Variants in SMIM19 observed in about 807,000 individuals in gnomAD.
SMIM19 encodes UPF0697 protein C8orf40.
SMIM19 carries 6 observed loss-of-function variants against 13.2 expected under a neutral mutation model. That is an observed-to-expected ratio of 0.45 (90% confidence interval 0.25 to 0.90). SMIM19 has a LOEUF of 0.90. SMIM19 is among the 40% of genes least tolerant of loss of function. The probability of loss-of-function intolerance (pLI) is 0.19; values close to 1 mark genes in which losing one functional copy is unlikely to be tolerated. For missense variants in SMIM19, 138 were observed against 131.0 expected (o/e 1.05, Z -0.26); for synonymous variants, 46 against 43.1 (o/e 1.07, Z -0.27).
Position 42,552,696 on chromosome 8 carries a change from C to A in SMIM19, c.*88C>A. 1.4e-6 allele frequency: 2 copies of A among 1,426,444 alleles called. No individual in the cohort carries two copies. Among genetic ancestry groups the A allele is most frequent in the Non-Finnish European group, 1.9e-6 (2 of 1,025,738 alleles). The allele number at this position is 1,426,444 out of a possible 1,614,324, so 88.4% of individuals were successfully genotyped here. ...TGAACAGCTTTAAAAACATTTCTGT[C>A]TGCATAAAATTATTTTACTTGTAAC... On this transcript the variant is annotated 3_prime_UTR_variant, in exon 4 of 4. Coordinates refer to ENST00000417410, the MANE Select transcript of SMIM19 (RefSeq NM_001135674.2).
intron 3 of SMIM19, among the ~76,000 whole-genome samples, chr8:42,550,096 TA>T (rs1390175579): frequency 2.0e-5 from 3 of 151,364 alleles, no homozygotes; most frequent in African/African-American, 4.9e-5. Context: ...AACTTCGTCT[TA>T]AAAAAAATAA....
At chr8:42,549,347 G>T (rs1813591630) in intron 3 of SMIM19, among the ~76,000 whole-genome samples, 1 of 152,072 alleles carries the variant, frequency 6.6e-6, no homozygotes, top group Non-Finnish European at 1.5e-5. Flanking sequence ...GGGAGGCAGA[G>T]GTTTCAGTGG....
intron 1 of SMIM19, among the ~76,000 whole-genome samples, chr8:42,546,008 G>A (rs1054447658): frequency 1.8e-4 from 28 of 152,208 alleles, no homozygotes; most frequent in Admixed American, 1.6e-3. Context: ...TATTGTGTAG[G>A]TGCAGTCCTT....
chr8:42,548,621 TAC>T, intron 2 of SMIM19, 33 bp from the exon 3 acceptor site: 1 of 1,611,762 alleles, frequency 6.2e-7, no homozygotes, highest in South Asian at 1.1e-5. Context: ...TAGACATTAA[TAC>T]AAACATCTCT....
At position 42,541,660 on chromosome 8, in the gene SMIM19, C is replaced by G. The variant is rs1813183369; in HGVS notation, c.-718C>G. On this transcript the variant is annotated 5_prime_UTR_variant, in exon 1 of 4. Coordinates refer to ENST00000417410, the MANE Select transcript of SMIM19 (RefSeq NM_001135674.2). Reference sequence around the variant, plus strand: ...GCCCCGACTCCGGGGTAAAGAGCCCCGGAGCGGAGCAGCGCTGGCCGCGTG... The same window carrying G: ...GCCCCGACTCCGGGGTAAAGAGCCCGGGAGCGGAGCAGCGCTGGCCGCGTG... The G allele has an allele frequency of 6.7e-6, 1 of 149,810 alleles. No individual in the cohort carries two copies. Among genetic ancestry groups the G allele is most frequent in the Non-Finnish European group, 1.5e-5 (1 of 67,192 alleles). The allele number at this position is 149,810 out of a possible 1,614,324, so 9.3% of individuals were successfully genotyped here. A position where few individuals can be genotyped will look rare whatever the true frequency, so the allele number is the denominator to read the frequency against.
chr8:42,546,638 CTG>C lies in SMIM19; in HGVS notation c.134+35_134+36del, dbSNP rs749060310. The C allele has an allele frequency of 5.0e-6, 8 of 1,588,878 alleles. No homozygotes were observed. In the Admixed American group the frequency reaches 5.7e-5, roughly 11 times the overall value. On this transcript the variant is annotated intron_variant, in intron 2 of 3. Transcript: ENST00000417410. ...TTTTGTTTCTCAGGGTAGATAAAAACTGTGCATTTACAAGTTTTGCTAGTTTA... is the reference window on the plus strand; with the variant it reads ...TTTTGTTTCTCAGGGTAGATAAAAACTGCATTTACAAGTTTTGCTAGTTTA...
chr8:42,548,293 C>G, intron 2 of SMIM19: 1 of 434,270 alleles, frequency 2.3e-6, no homozygotes. Context: ...AGTTTATTCT[C>G]CAGCCCAGTC....
chr8:42,548,525 C>A, intron 2 of SMIM19, 131 bp from the exon 3 acceptor site: 1 of 1,230,636 alleles, frequency 8.1e-7, no homozygotes, highest in Admixed American at 1.8e-5. Flanking sequence ...CTCTCAAAGA[C>A]AAAATAGAAA....
intron 1 of SMIM19, 67 bp downstream of exon 1, chr8:42,542,440 C>A: frequency 1.0e-6 from 1 of 985,346 alleles, no homozygotes; most frequent in Non-Finnish European, 1.2e-6. Context: ...AAAGAAATCC[C>A]ATTTTTTGAT....
intron 1 of SMIM19, among the ~76,000 whole-genome samples, chr8:42,544,019 C>T (rs1490910317): frequency 6.6e-6 from 1 of 152,088 alleles, no homozygotes; most frequent in East Asian, 1.9e-4. Context: ...CAAAAGTTTC[C>T]ATGTCTAAAG....
At chr8:42,549,909 A>G (rs1814807384) in intron 3 of SMIM19, among the ~76,000 whole-genome samples, 1 of 152,070 alleles carries the variant, frequency 6.6e-6, no homozygotes, top group Non-Finnish European at 1.5e-5. Context: ...CCAGCCTGCC[A>G]ACATGGTGAA....
intron 3 of SMIM19, among the ~76,000 whole-genome samples, chr8:42,549,965 G>C (rs1813614363): frequency 1.3e-5 from 2 of 152,066 alleles, no homozygotes; most frequent in Non-Finnish European, 1.5e-5. Flanking sequence ...GTGTGGTGGT[G>C]GGTGCCTGTA....
In SMIM19 at chr8:42,542,159, TG is replaced by T. The variant is rs1221076354; in HGVS notation, c.-216del. 2.0e-5 allele frequency: 3 copies of T among 151,890 alleles called. No homozygotes were observed. Among genetic ancestry groups the T allele is most frequent in the African/African-American group, 7.3e-5 (3 of 41,324 alleles). The allele number at this position is 151,890 out of a possible 1,614,324, so 9.4% of individuals were successfully genotyped here. A position where few individuals can be genotyped will look rare whatever the true frequency, so the allele number is the denominator to read the frequency against. ...GGCCAAGACTGGAAGAGTTCAGGTTTGGGAGTCGTGTGTATAACAGCCCCGC... is the reference window on the plus strand; with the variant it reads ...GGCCAAGACTGGAAGAGTTCAGGTTTGGAGTCGTGTGTATAACAGCCCCGC... On this transcript the variant is annotated 5_prime_UTR_variant, in exon 1 of 4. Transcript: ENST00000417410.
chr8:42,547,356 CAAAA>C (rs35948113), intron 2 of SMIM19, among the ~76,000 whole-genome samples: 1 of 144,556 alleles, frequency 6.9e-6, no homozygotes, highest in Non-Finnish European at 1.5e-5. Flanking sequence ...GACTCCATCT[CAAAA>C]AAAAAAAAGA....
intron 1 of SMIM19, among the ~76,000 whole-genome samples, chr8:42,544,525 A>AT (rs61480099): frequency 0.54 from 81,905 of 151,600 alleles, 22,529 homozygotes; most frequent in Middle Eastern, 0.64. Context: ...GTGTTTAAAC[A>AT]ATATTTAGAT....
Position 42,541,773 on chromosome 8 carries a change from G to GCCGCCCGCC in SMIM19, c.-598_-590dup, listed in dbSNP as rs1221932391. ...GCCGCGTCACCCGGCCCCGCCCCGC[G>GCCGCCCGCC]CCGCCCGCCCCGCCCCGGACGCGGG... On this transcript the variant is annotated 5_prime_UTR_variant, in exon 1 of 4. Transcript: ENST00000417410. 3 of 149,798 alleles carry GCCGCCCGCC rather than the reference G, an allele frequency of 2.0e-5. No homozygotes were observed. The highest frequency in any genetic ancestry group is 7.3e-5 in the African/African-American group (3 of 41,044). The allele number at this position is 149,798 out of a possible 1,614,324, so 9.3% of individuals were successfully genotyped here.
intron 1 of SMIM19, among the ~76,000 whole-genome samples, chr8:42,544,432 T>C (rs1345038085): frequency 1.4e-5 from 2 of 140,056 alleles, no homozygotes; most frequent in African/African-American, 5.3e-5. Flanking sequence ...AAAAAAAAAA[T>C]GCCAAATGCC....
At chr8:42,546,336 C>T in intron 1 of SMIM19, 133 bp from the exon 2 acceptor site, 1 of 1,011,620 alleles carries the variant, frequency 9.9e-7, no homozygotes, top group Non-Finnish European at 1.3e-6. Context: ...AAATCCCATT[C>T]TTGGCTCATG....
At position 42,553,040 on chromosome 8, in the gene SMIM19, T is replaced by TTGTTAACA. The variant is rs1401045687; in HGVS notation, c.*433_*440dup. 6.6e-6 allele frequency: 1 copy of TTGTTAACA among 151,284 alleles called. No homozygotes were observed. Among genetic ancestry groups the TTGTTAACA allele is most frequent in the East Asian group, 1.9e-4 (1 of 5,198 alleles). The allele number at this position is 151,284 out of a possible 1,614,324, so 9.4% of individuals were successfully genotyped here. ...GTCAGATCAATAACAGATTAATTTGTTGTTAACAGCTCTTTTTTTTTTTTT... is the reference window on the plus strand; with the variant it reads ...GTCAGATCAATAACAGATTAATTTGTTGTTAACATGTTAACAGCTCTTTTTTTTTTTTT... On this transcript the variant is annotated 3_prime_UTR_variant, in exon 4 of 4. Transcript: ENST00000417410.
Sources: gnomAD v4.1 joint callset for allele counts (sites outside exome capture counted in the v4.1 genomes callset) on GRCh38, gnomAD v4.1.1 for gene constraint, MANE v1.5 for transcripts, NCBI Gene and HGNC (gene_info 2026-07-23, HGNC 2026-07-21) for gene names.